AGBL1: variants seen among roughly 807,000 people sequenced by gnomAD.
AGBL1 encodes the protein cytosolic carboxypeptidase 4.
AGBL1 carries 130 observed loss-of-function variants against 118.9 expected under a neutral mutation model. The ratio of observed to expected loss-of-function variants is 1.09; its 90% CI spans 0.95 to 1.26. AGBL1 has a LOEUF of 1.26. Among genes scored for constraint, AGBL1 ranks in the 50% most tolerant of loss-of-function variants. The pLI is 0.00. For missense variants in AGBL1, 1,584 were observed against 1,298.1 expected (o/e 1.22, Z -3.38); for synonymous variants, 555 against 478.9 (o/e 1.16, Z -2.08).
intron 17 of AGBL1, among the ~76,000 whole-genome samples, chr15:86,313,844 A>T (rs2141828714): frequency 6.6e-6 from 1 of 152,342 alleles, no homozygotes. Flanking sequence ...TCTTTAGTTC[A>T]GAGCTGGTCA....
rs544208761 is a variant in AGBL1 at position 86,092,207 on chromosome 15, A to G, written c.51+12184A>G. Among the ~76,000 whole-genome samples the G allele has an allele frequency of 8.5e-5, 13 of 152,304 alleles. No individual in the cohort carries two copies. The East Asian group carries it at 2.5e-3, about 29-fold the overall frequency. ...ACTCTCCCCCTAGATAAGCATACAC[A>G]TGCACTTAAACCAAACATTTGAATC... On this transcript the variant is annotated intron_variant, in intron 1 of 22. Coordinates refer to ENST00000614907, the MANE Select transcript of AGBL1 (RefSeq NM_001386094.1).
At chr15:86,735,653 G>T (rs117689633) in intron 22 of AGBL1, among the ~76,000 whole-genome samples, 1,593 of 143,066 alleles carry the variant, frequency 0.011, 24 homozygotes, top group Middle Eastern at 0.032. Flanking sequence ...GCTACAAAGA[G>T]AGATATATAT....
intron 21 of AGBL1, among the ~76,000 whole-genome samples, chr15:86,655,227 C>G (rs1479415340): frequency 6.6e-6 from 1 of 152,110 alleles, no homozygotes; most frequent in Admixed American, 6.5e-5. Context: ...ACAGACCTTC[C>G]TTTTATTTCT....
At chr15:86,682,775 A>T (rs538256532) in intron 22 of AGBL1, among the ~76,000 whole-genome samples, 14 of 152,154 alleles carry the variant, frequency 9.2e-5, no homozygotes, top group Non-Finnish European at 1.9e-4. Flanking sequence ...CAATTTATAT[A>T]TAAGATAATA....
At chr15:86,467,893 G>C (rs140387598) in intron 18 of AGBL1, among the ~76,000 whole-genome samples, 1,764 of 152,264 alleles carry the variant, frequency 0.012, 39 homozygotes, top group African/African-American at 0.04. Context: ...TGTTGGTCTG[G>C]CTGGGAGCTG....
chr15:86,716,197 C>T (rs918229557), intron 22 of AGBL1, among the ~76,000 whole-genome samples: 19 of 152,260 alleles, frequency 1.2e-4, no homozygotes, highest in African/African-American at 4.3e-4. Context: ...TCTACCATTC[C>T]CAGTCTAGGT....
At chr15:86,290,790 T>C (rs1258597978) in intron 16 of AGBL1, among the ~76,000 whole-genome samples, 2 of 152,040 alleles carry the variant, frequency 1.3e-5, no homozygotes. Context: ...GCTGCACCCA[T>C]TAACTCGTCA....
chr15:86,193,027 TA>T (rs1478082983), intron 5 of AGBL1, among the ~76,000 whole-genome samples: 2 of 152,150 alleles, frequency 1.3e-5, no homozygotes, highest in African/African-American at 4.8e-5. Context: ...TTTTAAATAT[TA>T]AAAAAAGTAT....
chr15:86,101,485 T>C lies in AGBL1; in HGVS notation c.51+21462T>C, dbSNP rs1896714495. Among the ~76,000 whole-genome samples the C allele has an allele frequency of 2.0e-5, 3 of 152,130 alleles. No individual in the cohort carries two copies. The South Asian group carries it at 6.2e-4, about 32-fold the overall frequency. On this transcript the variant is annotated intron_variant, in intron 1 of 22. Coordinates refer to ENST00000614907, the MANE Select transcript of AGBL1 (RefSeq NM_001386094.1). ...GTTGGGTGCTGAAGTCCCCAACTAT[T>C]ATTATATTAGAATCTACCTGTTCTT... is the stretch of plus-strand genomic sequence containing the variant.
intron 22 of AGBL1, among the ~76,000 whole-genome samples, chr15:86,846,752 G>C (rs974975765): frequency 6.6e-6 from 1 of 152,096 alleles, no homozygotes; most frequent in Non-Finnish European, 1.5e-5. Flanking sequence ...GGCTGGTCTC[G>C]AACTCCTGAC....
chr15:86,218,182 T>C (rs1238512940), intron 5 of AGBL1, among the ~76,000 whole-genome samples: 1 of 152,098 alleles, frequency 6.6e-6, no homozygotes, highest in African/African-American at 2.4e-5. Context: ...TAGGCTAGGG[T>C]GACAACAGCA....
chr15:86,598,458 A>T (rs895436202), intron 21 of AGBL1, among the ~76,000 whole-genome samples: 7 of 152,038 alleles, frequency 4.6e-5, no homozygotes, highest in Non-Finnish European at 7.4e-5. Context: ...TGCCTGTTTG[A>T]TCCAAGTGCA....
intron 5 of AGBL1, among the ~76,000 whole-genome samples, chr15:86,209,704 G>A (rs139823755): frequency 1.3e-5 from 2 of 152,030 alleles, no homozygotes; most frequent in Admixed American, 6.5e-5. Context: ...GAGCCTGTGT[G>A]TGTCTCTGCA....
At chr15:86,335,141 AT>A (rs60369177) in intron 17 of AGBL1, among the ~76,000 whole-genome samples, 48,413 of 146,206 alleles carry the variant, frequency 0.33, 9,962 homozygotes, top group Non-Finnish European at 0.47. Context: ...AGATTAAGTT[AT>A]TTTTTTTTTT....
intron 22 of AGBL1, among the ~76,000 whole-genome samples, chr15:86,747,516 A>C (rs894770903): frequency 6.6e-6 from 1 of 152,198 alleles, no homozygotes. Flanking sequence ...TCTAGGGTAC[A>C]TGTGCACAAC....
At chr15:86,672,744 A>G (rs575141243) in intron 21 of AGBL1, among the ~76,000 whole-genome samples, 5 of 42,514 alleles carry the variant, frequency 1.2e-4, no homozygotes, top group East Asian at 1.1e-3. Flanking sequence ...TGACTTAAGA[A>G]AAAAACAACT....
intron 19 of AGBL1, among the ~76,000 whole-genome samples, chr15:86,533,767 G>A (rs1389895462): frequency 8.6e-6 from 1 of 116,442 alleles, no homozygotes; most frequent in Non-Finnish European, 1.6e-5. Context: ...ATACACCATG[G>A]AATACTAGGC....
chr15:86,735,092 A>C, intron 22 of AGBL1, among the ~76,000 whole-genome samples: 1 of 151,822 alleles, frequency 6.6e-6, no homozygotes, highest in Middle Eastern at 3.4e-3. Context: ...AATTATTATT[A>C]TTATTTAAGA....
intron 17 of AGBL1, among the ~76,000 whole-genome samples, chr15:86,342,051 G>T (rs757462950): frequency 6.6e-6 from 1 of 152,160 alleles, no homozygotes; most frequent in Non-Finnish European, 1.5e-5. Flanking sequence ...CTCCCCCAGG[G>T]TTTTCTCATG....
Sources: gnomAD v4.1 joint callset for allele counts (sites outside exome capture counted in the v4.1 genomes callset) on GRCh38, gnomAD v4.1.1 for gene constraint, MANE v1.5 for transcripts, NCBI Gene and HGNC (gene_info 2026-07-23, HGNC 2026-07-21) for gene names.